PRDM7: variants seen among roughly 807,000 people sequenced by gnomAD.
The protein encoded by PRDM7 is histone-lysine N-methyltransferase PRDM7.
A neutral mutation model predicts 64.3 loss-of-function variants in PRDM7; 52 were observed. The observed-to-expected ratio is 0.81, with a 90% confidence interval of 0.65 to 1.02. PRDM7 has a LOEUF of 1.02. Ranked by LOEUF, PRDM7 falls within the 50% of genes least tolerant of loss-of-function variation. The pLI is 0.00. For synonymous variants in PRDM7, 192 were observed against 210.1 expected, an observed-to-expected ratio of 0.91 and a Z score of 0.74; for missense variants, 574 against 597.1, an observed-to-expected ratio of 0.96 and a Z score of 0.40.
At chr16:90,072,752 A>G (rs1223438150) in intron 4 of PRDM7, among the ~76,000 whole-genome samples, 1 of 152,232 alleles carries the variant, frequency 6.6e-6, no homozygotes, top group Non-Finnish European at 1.5e-5. Context: ...AAATAAATTG[A>G]CTTAAATTGG....
intron 6 of PRDM7, 48 bp downstream of exon 6, chr16:90,063,564 T>A (rs2037818798): frequency 1.2e-6 from 2 of 1,602,122 alleles, no homozygotes; most frequent in East Asian, 4.5e-5. Flanking sequence ...CTCACCAACC[T>A]TTCTAGAGGA....
In PRDM7 at chr16:90,066,125, G is replaced by A. The variant is rs373224530; in HGVS notation, c.351+736C>T. ...CAGAAGAATATATTTTTACTTAATA[G>A]GGTGTAACCTATATGAAGTCCTAAA... On this transcript the variant is annotated intron_variant, in intron 5 of 10. Transcript: ENST00000449207. 7.3e-5 allele frequency among the ~76,000 whole-genome samples: 11 copies of A among 151,464 alleles called. No homozygotes were observed. The South Asian group carries it at 1.7e-3, about 23-fold the overall frequency.
chr16:90,061,648 A>C lies in PRDM7; in HGVS notation c.883-129T>G. On this transcript the variant is annotated intron_variant, in intron 8 of 10. Transcript: ENST00000449207. ...TGCCAACTGAGACCACATGGCATGC[A>C]CCTTAGTCATCATCTACACATCTGA... 3 of 1,201,370 alleles carry C rather than the reference A, an allele frequency of 2.5e-6. 1 individual carries two copies. Among genetic ancestry groups the C allele is most frequent in the South Asian group, 2.6e-5 (2 of 77,228 alleles). The allele number at this position is 1,201,370 out of a possible 1,614,324, so 74.4% of individuals were successfully genotyped here. A position where few individuals can be genotyped will look rare whatever the true frequency, so the allele number is the denominator to read the frequency against.
At position 90,061,958 on chromosome 16, in the gene PRDM7, T is replaced by C; in HGVS notation, c.845A>G (p.Glu282Gly). 4 of 1,614,262 alleles carry C rather than the reference T, an allele frequency of 2.5e-6. No homozygotes were observed. The highest frequency in any genetic ancestry group is 3.4e-6 in the Non-Finnish European group (4 of 1,180,038). Residue 282 changes from glutamate to glycine, a missense_variant, in exon 8 of 11, where the codon GAA (glutamate) becomes GGA (glycine). Transcript: ENST00000449207. ...TCCACTGTTGGCTGCCTCTTCGTCT[T>C]CTGTAATTCGGCCCTCATAGGGGCC... ...HFGPYEGRIT[E>G]DEEAANSGYS...
At chr16:90,059,200 A>G (rs1189924221) in intron 10 of PRDM7, among the ~76,000 whole-genome samples, 3 of 152,212 alleles carry the variant, frequency 2.0e-5, no homozygotes. Context: ...TCCAGGTCCC[A>G]CTGACTAAAG....
intron 1 of PRDM7, 52 bp from the exon 2 acceptor site, chr16:90,076,047 G>A: frequency 1.0e-6 from 1 of 989,728 alleles, no homozygotes; most frequent in South Asian, 1.5e-5. Context: ...GCACTACCCA[G>A]AACAAGGCTC....
Position 90,057,698 on chromosome 16 carries a change from T to G in PRDM7, c.*591A>C, listed in dbSNP as rs1432777669. 6 of 1,188,538 alleles carry G rather than the reference T, an allele frequency of 5.0e-6. No homozygotes were observed. In the East Asian group the frequency reaches 3.4e-4, roughly 68 times the overall value. The allele number at this position is 1,188,538 out of a possible 1,614,324, so 73.6% of individuals were successfully genotyped here. On this transcript the variant is annotated 3_prime_UTR_variant, in exon 11 of 11. Coordinates refer to ENST00000449207, the MANE Select transcript of PRDM7 (RefSeq NM_001098173.2). ...TGGCGGATTTGTTTAATTAGTTATT[T>G]CCGATCTCTTTACACTCTCGGGGAA...
chr16:90,064,274 T>C (rs1166338043), intron 5 of PRDM7, among the ~76,000 whole-genome samples: 1 of 152,220 alleles, frequency 6.6e-6, no homozygotes, highest in Non-Finnish European at 1.5e-5. Context: ...TGCCATATCC[T>C]GGAAAGAATA....
intron 8 of PRDM7, 56 bp downstream of exon 8, chr16:90,061,865 A>G: frequency 1.9e-6 from 3 of 1,608,070 alleles, no homozygotes; most frequent in Non-Finnish European, 2.6e-6. Context: ...TGTCCCATCA[A>G]AGGCACAGAA....
intron 4 of PRDM7, among the ~76,000 whole-genome samples, chr16:90,070,322 G>A (rs1392134500): frequency 1.3e-5 from 2 of 150,882 alleles, no homozygotes; most frequent in South Asian, 4.2e-4. Flanking sequence ...GTTGGGTGCG[G>A]TGTCTCATGC....
intron 8 of PRDM7, 97 bp from the exon 9 acceptor site, chr16:90,061,616 C>T: frequency 1.4e-6 from 2 of 1,408,134 alleles, no homozygotes; most frequent in Non-Finnish European, 1.0e-6. Context: ...ACCTGCAGAG[C>T]TTCAACTGCC....
chr16:90,063,802 G>C, intron 5 of PRDM7, 34 bp from the exon 6 acceptor site: 1 of 1,611,110 alleles, frequency 6.2e-7, no homozygotes, highest in Non-Finnish European at 8.5e-7. Flanking sequence ...AAAAGACAAC[G>C]TGCATTTATT....
chr16:90,057,356 G>T lies in PRDM7; in HGVS notation c.*933C>A. On this transcript the variant is annotated 3_prime_UTR_variant, in exon 11 of 11. Coordinates refer to ENST00000449207, the MANE Select transcript of PRDM7 (RefSeq NM_001098173.2). ...GTAAAACCCTACATTTCTCTTCCTG[G>T]ACTTGGGAATCGATTCTCCAATAAT... The T allele has an allele frequency of 6.4e-6, 1 of 156,068 alleles. No homozygotes were observed. The highest frequency in any genetic ancestry group is 1.4e-5 in the Non-Finnish European group (1 of 70,532). 9.7% of individuals were successfully genotyped at this position (156,068 alleles called of 1,614,324 possible).
At chr16:90,061,624 G>C (rs1268545612) in intron 8 of PRDM7, 105 bp from the exon 9 acceptor site, 1 of 1,361,618 alleles carries the variant, frequency 7.3e-7, no homozygotes, top group African/African-American at 1.4e-5. Flanking sequence ...AGCTTCAACT[G>C]CCAACTGAGA....
Position 90,075,764 on chromosome 16 carries a change from G to A in PRDM7, c.69+78C>T. The A allele has an allele frequency of 6.5e-7, 1 of 1,534,856 alleles. No individual in the cohort carries two copies. Among genetic ancestry groups the A allele is most frequent in the Non-Finnish European group, 8.9e-7 (1 of 1,120,226 alleles). ...TGCACATTCAGACAGAGTCACCCAA[G>A]GGTACAGGCCAGGAGTCTGCAGCAC... On this transcript the variant is annotated intron_variant, in intron 2 of 10. Transcript: ENST00000449207. This position sits in a 1 kb window ranked among gnomAD's most constrained non-coding sequence, Gnocchi z 4.3.
rs1030451543 is a variant in PRDM7, at chr16:90,060,686, A to G, written c.951-63T>C. The G allele has an allele frequency of 2.3e-5, 36 of 1,590,474 alleles. No homozygotes were observed. The African/African-American group carries it at 4.3e-4, about 19-fold the overall frequency. On this transcript the variant is annotated intron_variant, in intron 9 of 10. Coordinates refer to ENST00000449207, the MANE Select transcript of PRDM7 (RefSeq NM_001098173.2). ...TGAGTTCCCTCCAGGCAGGATGACT[A>G]CAATGCTCATCCTGCCTAGAATGCT...
At position 90,075,062 on chromosome 16, in the gene PRDM7, G is replaced by C; in HGVS notation, c.194-39C>G. The C allele has an allele frequency of 6.2e-7, 1 of 1,609,152 alleles. No individual in the cohort carries two copies. Among genetic ancestry groups the C allele is most frequent in the Non-Finnish European group, 8.5e-7 (1 of 1,175,568 alleles). ...AAAAATTTTGCTCTGAAACGGAAGAGCTGGGATGAGGAACAAAGGGCAGTG... is the reference window on the plus strand; with the variant it reads ...AAAAATTTTGCTCTGAAACGGAAGACCTGGGATGAGGAACAAAGGGCAGTG... On this transcript the variant is annotated intron_variant, in intron 3 of 10. Transcript: ENST00000449207. The surrounding 1 kb of genome is among the most constrained non-coding windows in gnomAD (Gnocchi z 4.3).
At chr16:90,076,943 G>A (rs1481406048) in intron 1 of PRDM7, among the ~76,000 whole-genome samples, 1 of 152,102 alleles carries the variant, frequency 6.6e-6, no homozygotes, top group Admixed American at 6.5e-5. Context: ...GGGTTCCTCA[G>A]GCTGAGGTAT....
chr16:90,058,739 T>A (rs1225123097), intron 10 of PRDM7, among the ~76,000 whole-genome samples: 3 of 152,144 alleles, frequency 2.0e-5, no homozygotes, highest in Admixed American at 2.0e-4. Context: ...AAATCCCACA[T>A]CTTGGGCCTT....
Sources: allele counts gnomAD v4.1 joint callset (sites outside exome capture counted in the v4.1 genomes callset), GRCh38; gene constraint gnomAD v4.1.1; non-coding constraint Gnocchi (gnomAD v3.1); transcripts MANE v1.5; gene names NCBI Gene and HGNC (gene_info 2026-07-23, HGNC 2026-07-21).